The following PPARGC1B variants were observed in gnomAD, a reference collection of about 807,000 sequenced individuals.
PPARGC1B encodes peroxisome proliferator-activated receptor gamma coactivator 1-beta.
In PPARGC1B, 34 loss-of-function variants were observed where a neutral mutation model predicts 101.6. The ratio of observed to expected loss-of-function variants is 0.33; its 90% CI spans 0.25 to 0.45. The LOEUF is 0.45. PPARGC1B is among the 20% of genes least tolerant of loss of function. The pLI, the probability that PPARGC1B is intolerant of heterozygous loss-of-function variation, is 1.00. For synonymous variants in PPARGC1B, 548 were observed against 539.3 expected (o/e 1.02, Z -0.22); for missense variants, 1,234 against 1,317.6 (o/e 0.94, Z 0.98).
intron 1 of PPARGC1B, among the ~76,000 whole-genome samples, chr5:149,750,371 A>G (rs1354657865): frequency 1.3e-5 from 2 of 151,158 alleles, no homozygotes; most frequent in African/African-American, 4.9e-5. Context: ...CCTTTTCCAC[A>G]GCATTATTTT....
intron 1 of PPARGC1B, among the ~76,000 whole-genome samples, chr5:149,754,237 A>G (rs1755425384): frequency 6.6e-6 from 1 of 151,704 alleles, no homozygotes; most frequent in African/African-American, 2.4e-5. Flanking sequence ...TCAGTTGTCG[A>G]TTTTCTTCTT....
At chr5:149,820,667 C>T (rs981578318) in intron 2 of PPARGC1B, 61 bp downstream of exon 2, 91 of 1,506,642 alleles carry the variant, frequency 6.0e-5, no homozygotes, top group South Asian at 3.2e-4. Context: ...CTCAAAATCC[C>T]GGCTCTGCCC....
chr5:149,751,769 G>A (rs1232523889), intron 1 of PPARGC1B, among the ~76,000 whole-genome samples: 2 of 151,850 alleles, frequency 1.3e-5, no homozygotes. Flanking sequence ...GTCATAGGCA[G>A]TGCTTAAGAA....
chr5:149,762,327 A>G (rs1755746777), intron 1 of PPARGC1B, among the ~76,000 whole-genome samples: 1 of 151,870 alleles, frequency 6.6e-6, no homozygotes. Flanking sequence ...TTGTATTTTT[A>G]GTAGAAATGA....
chr5:149,730,322 C>G lies in PPARGC1B; in HGVS notation c.-21C>G. On this transcript the variant is annotated 5_prime_UTR_variant, in exon 1 of 12. Transcript: ENST00000309241. This position sits in a 1 kb window ranked among gnomAD's most constrained non-coding sequence, Gnocchi z 4.0. ...CCGGCTCGGCGTTGACTCCGCCGCACGCTGCAGCCGCGGCTGGAAGATGGC... is the reference window on the plus strand; with the variant it reads ...CCGGCTCGGCGTTGACTCCGCCGCAGGCTGCAGCCGCGGCTGGAAGATGGC... 3 of 1,536,048 alleles carry G rather than the reference C, an allele frequency of 2.0e-6. No individual in the cohort carries two copies. Among genetic ancestry groups the G allele is most frequent in the East Asian group, 2.6e-5 (1 of 38,100 alleles).
At position 149,833,005 on chromosome 5, in the gene PPARGC1B, C is replaced by T; in HGVS notation, c.932C>T (p.Pro311Leu). 1 of 1,613,650 alleles carries T rather than the reference C, an allele frequency of 6.2e-7. No homozygotes were observed. The highest frequency in any genetic ancestry group is 1.6e-4 in the Middle Eastern group (1 of 6,062). Residue 311 changes from proline to leucine, a missense_variant, in exon 5 of 12, where the codon CCA becomes CTA. Transcript: ENST00000309241. This position sits in a 1 kb window ranked among gnomAD's most constrained non-coding sequence, Gnocchi z 4.1. ...QRKLPPQTPEPLPKACSNPSQ... is the reference protein window; with the variant it reads ...QRKLPPQTPELLPKACSNPSQ... ...AAGCTGCCCCCACAGACCCCTGAGCCACTCCCCAAGGCCTGCAGCAACCCC... is the reference window on the plus strand; with the variant it reads ...AAGCTGCCCCCACAGACCCCTGAGCTACTCCCCAAGGCCTGCAGCAACCCC...
chr5:149,780,294 C>T (rs763668801), intron 1 of PPARGC1B, among the ~76,000 whole-genome samples: 1 of 152,228 alleles, frequency 6.6e-6, no homozygotes, highest in Non-Finnish European at 1.5e-5. Context: ...TACTGGTCAC[C>T]AGCTCTCAGT....
chr5:149,734,548 C>T (rs527719802), intron 1 of PPARGC1B, among the ~76,000 whole-genome samples: 27 of 151,860 alleles, frequency 1.8e-4, no homozygotes, highest in South Asian at 6.2e-4. Context: ...TACTCATTTA[C>T]GTTGTTTAAT....
chr5:149,772,426 ATTGCT>A (rs1431165966), intron 1 of PPARGC1B, among the ~76,000 whole-genome samples: 1 of 152,028 alleles, frequency 6.6e-6, no homozygotes, highest in African/African-American at 2.4e-5. Flanking sequence ...TTGCTGTTGT[ATTGCT>A]TTGCTAGGGC....
chr5:149,797,731 G>A (rs190154376), intron 1 of PPARGC1B, among the ~76,000 whole-genome samples: 16 of 152,292 alleles, frequency 1.1e-4, no homozygotes, highest in Non-Finnish European at 2.2e-4. Flanking sequence ...GACCAGCCTG[G>A]CCAACATGGT....
chr5:149,853,387 C>T lies in PPARGC1B; in HGVS notation c.*5829C>T, dbSNP rs1405669335. 1 of 152,302 alleles carries T rather than the reference C, an allele frequency of 6.6e-6. No homozygotes were observed. Among genetic ancestry groups the T allele is most frequent in the African/African-American group, 2.4e-5 (1 of 41,464 alleles). 9.4% of individuals were successfully genotyped at this position (152,302 alleles called of 1,614,324 possible). A position where few individuals can be genotyped will look rare whatever the true frequency, so the allele number is the denominator to read the frequency against. On this transcript the variant is annotated 3_prime_UTR_variant, in exon 12 of 12. Coordinates refer to ENST00000309241, the MANE Select transcript of PPARGC1B (RefSeq NM_133263.4). This position sits in a 1 kb window ranked among gnomAD's most constrained non-coding sequence, Gnocchi z 4.2. The stretch of plus-strand genomic sequence containing the variant: ...TCCAGAAGCAGCCACTTAGTAGACT[C>T]TCACGCAGAACTGAGAAATGCACTA...
At chr5:149,835,534 A>G (rs1002064480) in intron 7 of PPARGC1B, among the ~76,000 whole-genome samples, 169 bp downstream of exon 7, 2 of 152,254 alleles carry the variant, frequency 1.3e-5, no homozygotes, top group Non-Finnish European at 2.9e-5. Context: ...AAGGAAGATC[A>G]TTACAAATTG....
chr5:149,746,469 A>G (rs1324659888), intron 1 of PPARGC1B, among the ~76,000 whole-genome samples: 1 of 152,244 alleles, frequency 6.6e-6, no homozygotes, highest in African/African-American at 2.4e-5. Flanking sequence ...ATTTCACTGA[A>G]TATGCCACAT....
intron 1 of PPARGC1B, among the ~76,000 whole-genome samples, chr5:149,736,528 A>T (rs1166188748): frequency 6.6e-6 from 1 of 152,176 alleles, no homozygotes; most frequent in Non-Finnish European, 1.5e-5. Flanking sequence ...CACTCAGCTG[A>T]TGCAGAATCG....
rs374392758 is a variant in PPARGC1B, at chr5:149,836,694, G to A, written c.2239G>A (p.Ala747Thr). 29 of 1,613,668 alleles carry A rather than the reference G, an allele frequency of 1.8e-5. No individual in the cohort carries two copies. The highest frequency in any genetic ancestry group is 1.6e-4 in the Middle Eastern group (1 of 6,062). ...REEDRSCDAG[A>T]PPKDSTLLRD... ...GGAAGACAGAAGCTGTGATGCTGGC[G>A]CCCCACCCAAGGACAGCACGCTGCT... Residue 747 changes from alanine (A) to threonine (T), a missense_variant, in exon 8 of 12, where the codon GCC becomes ACC. Physicochemically the swap from Ala to Thr is moderately conservative, Grantham distance 58. Transcript: ENST00000309241.
chr5:149,766,144 T>A (rs1318032069), intron 1 of PPARGC1B, among the ~76,000 whole-genome samples: 2 of 152,246 alleles, frequency 1.3e-5, no homozygotes, highest in African/African-American at 2.4e-5. Context: ...GGCAGCCTAC[T>A]CAAATTGCAG....
chr5:149,834,730 TGGTG>T lies in PPARGC1B; in HGVS notation c.1742+21_1742+24del. ...ACAAAGGTAGATTTTTAGAAATTATTGGTGTATTGTTCCATGAGATTTTGTCTTG... is the reference window on the plus strand; with the variant it reads ...ACAAAGGTAGATTTTTAGAAATTATTTATTGTTCCATGAGATTTTGTCTTG... On this transcript the variant is annotated intron_variant, in intron 6 of 11. Transcript: ENST00000309241. 6.2e-7 allele frequency: 1 copy of T among 1,605,910 alleles called. No homozygotes were observed. The highest frequency in any genetic ancestry group is 8.5e-7 in the Non-Finnish European group (1 of 1,172,572).
At chr5:149,794,485 A>T (rs1325021996) in intron 1 of PPARGC1B, among the ~76,000 whole-genome samples, 2 of 151,192 alleles carry the variant, frequency 1.3e-5, no homozygotes, top group African/African-American at 4.9e-5. Context: ...TTTGCTGTTG[A>T]TTGCACACAC....
chr5:149,828,921 C>T (rs1288384713), intron 3 of PPARGC1B, among the ~76,000 whole-genome samples: 1 of 151,526 alleles, frequency 6.6e-6, no homozygotes, highest in East Asian at 1.9e-4. Context: ...TATGGTGGCA[C>T]GTGCCTGTAG....
Sources: gnomAD v4.1 joint callset for allele counts (sites outside exome capture counted in the v4.1 genomes callset) on GRCh38, gnomAD v4.1.1 for gene constraint, Gnocchi (gnomAD v3.1) non-coding constraint, MANE v1.5 for transcripts, NCBI Gene and HGNC (gene_info 2026-07-23, HGNC 2026-07-21) for gene names.